C1orf21: variants seen among roughly 807,000 people sequenced by gnomAD.
The protein encoded by C1orf21 is uncharacterized protein C1orf21.
Under a neutral mutation model 18.7 loss-of-function variants are expected in C1orf21, and 3 were observed. That is an observed-to-expected ratio of 0.16 (90% CI 0.07 to 0.42). The LOEUF is 0.42. C1orf21 is among the 10% of genes least tolerant of loss of function. The probability of loss-of-function intolerance (pLI) is 0.99; values close to 1 mark genes in which losing one functional copy is unlikely to be tolerated. For synonymous variants in C1orf21, 41 were observed against 46.4 expected (o/e 0.88, Z 0.47); for missense variants, 104 against 143.6 (o/e 0.72, Z 1.41).
At chr1:184,598,483 C>T (rs1379574797) in intron 5 of C1orf21, 22 bp downstream of exon 5, 1 of 1,597,852 alleles carries the variant, frequency 6.3e-7, no homozygotes, top group South Asian at 1.1e-5. Flanking sequence ...AATAAATAAC[C>T]TACATGTTTC....
At chr1:184,455,978 G>A (rs575532137) in intron 1 of C1orf21, among the ~76,000 whole-genome samples, 2 of 152,302 alleles carry the variant, frequency 1.3e-5, no homozygotes, top group South Asian at 4.1e-4. Context: ...TGAGTATACA[G>A]TTGTAACTTC....
At chr1:184,616,044 AT>A (rs1318036452) in intron 5 of C1orf21, among the ~76,000 whole-genome samples, 2 of 152,214 alleles carry the variant, frequency 1.3e-5, no homozygotes, top group South Asian at 4.1e-4. Context: ...CTTCTTAACC[AT>A]CCCCTCTTCA....
chr1:184,456,421 T>C (rs1218669159), intron 1 of C1orf21, among the ~76,000 whole-genome samples: 2 of 152,254 alleles, frequency 1.3e-5, no homozygotes, highest in Non-Finnish European at 2.9e-5. Flanking sequence ...TCCTTAAATT[T>C]AACTTCCTCT....
chr1:184,568,675 G>A (rs1659067502), intron 3 of C1orf21, among the ~76,000 whole-genome samples: 1 of 152,102 alleles, frequency 6.6e-6, no homozygotes, highest in Non-Finnish European at 1.5e-5. Context: ...AAAAGTGATG[G>A]TGCCCATGCA....
chr1:184,484,342 C>A (rs115091492), intron 2 of C1orf21, among the ~76,000 whole-genome samples: 1,645 of 152,266 alleles, frequency 0.011, 32 homozygotes, highest in African/African-American at 0.038. Context: ...TTGGCACGGG[C>A]CCGTTTTCTC....
intron 1 of C1orf21, among the ~76,000 whole-genome samples, chr1:184,398,631 G>C (rs1483991335): frequency 1.3e-5 from 2 of 152,128 alleles, no homozygotes; most frequent in Non-Finnish European, 2.9e-5. Flanking sequence ...CACAAACCTA[G>C]ATGGTATAGC....
chr1:184,623,139 C>T lies in C1orf21; in HGVS notation c.*3583C>T, dbSNP rs1659951022. On this transcript the variant is annotated 3_prime_UTR_variant, in exon 6 of 6. Transcript: ENST00000235307. ...CAGGTTGGCATGTGGATTACAAGTC[C>T]TGCTTTGACACTGGGCAAGAATTTA... 1 of 152,216 alleles carries T rather than the reference C, an allele frequency of 6.6e-6. No homozygotes were observed. The highest frequency in any genetic ancestry group is 6.5e-5 in the Admixed American group (1 of 15,288). 9.4% of individuals were successfully genotyped at this position (152,216 alleles called of 1,614,324 possible).
intron 2 of C1orf21, among the ~76,000 whole-genome samples, chr1:184,478,490 C>A (rs6683932): frequency 0.17 from 25,892 of 152,050 alleles, 2,604 homozygotes; most frequent in African/African-American, 0.28. Context: ...CCTCAAATTT[C>A]TTCAAAAGAG....
rs150459261 is a variant in C1orf21, at chr1:184,463,824, T to C, written c.-124-13562T>C. 3.3e-3 allele frequency among the ~76,000 whole-genome samples: 506 copies of C among 152,246 alleles called. 1 individual carries two copies. Among genetic ancestry groups the C allele is most frequent in the African/African-American group, 0.011 (474 of 41,540 alleles). ...CAGACAATTATGACATGTAGCAACA[T>C]GGATAGGTGAGGAATGGCTCACATA... On this transcript the variant is annotated intron_variant, in intron 1 of 5. Coordinates refer to ENST00000235307, the MANE Select transcript of C1orf21 (RefSeq NM_030806.4).
intron 2 of C1orf21, among the ~76,000 whole-genome samples, chr1:184,504,498 A>G (rs1379240877): frequency 6.6e-6 from 1 of 152,174 alleles, no homozygotes; most frequent in African/African-American, 2.4e-5. Context: ...CGTAACCCAA[A>G]ATGCTTCATT....
At chr1:184,582,552 A>G (rs774529807) in intron 3 of C1orf21, among the ~76,000 whole-genome samples, 7 of 152,236 alleles carry the variant, frequency 4.6e-5, no homozygotes, top group Non-Finnish European at 7.3e-5. Context: ...TCCAGCATCT[A>G]TCTGGCCCCT....
intron 3 of C1orf21, among the ~76,000 whole-genome samples, chr1:184,554,155 AT>A (rs1658847976): frequency 1.3e-5 from 2 of 152,200 alleles, no homozygotes; most frequent in South Asian, 4.1e-4. Context: ...TATACCAATA[AT>A]TTTGATAACC....
chr1:184,586,192 C>T (rs1052427134), intron 3 of C1orf21, among the ~76,000 whole-genome samples: 1 of 152,010 alleles, frequency 6.6e-6, no homozygotes, highest in Non-Finnish European at 1.5e-5. Flanking sequence ...ATTTGCATTT[C>T]CTGATGATCA....
At chr1:184,442,442 G>A (rs1204875384) in intron 1 of C1orf21, among the ~76,000 whole-genome samples, 1 of 152,170 alleles carries the variant, frequency 6.6e-6, no homozygotes, top group South Asian at 2.1e-4. Flanking sequence ...GAAAAGTGAC[G>A]TCTGTAAAAT....
At chr1:184,590,416 CTGCTGTTTCTCT>C (rs1461957688) in intron 3 of C1orf21, among the ~76,000 whole-genome samples, 4 of 152,182 alleles carry the variant, frequency 2.6e-5, no homozygotes, top group Admixed American at 2.6e-4. Context: ...GATTGTATTG[CTGCTGTTTCTCT>C]TGATACTAGA....
chr1:184,405,243 T>C (rs1036126524), intron 1 of C1orf21, among the ~76,000 whole-genome samples: 3 of 152,172 alleles, frequency 2.0e-5, no homozygotes, highest in Admixed American at 2.0e-4. Context: ...TTGCCCATGC[T>C]GGAGTGCAGT....
At chr1:184,577,455 G>T (rs536988943) in intron 3 of C1orf21, among the ~76,000 whole-genome samples, 2 of 152,068 alleles carry the variant, frequency 1.3e-5, no homozygotes, top group Non-Finnish European at 2.9e-5. Context: ...CACTGAATGT[G>T]TGTTAATTTG....
chr1:184,390,264 T>G (rs546032965), intron 1 of C1orf21, among the ~76,000 whole-genome samples: 2 of 152,318 alleles, frequency 1.3e-5, no homozygotes, highest in Admixed American at 1.3e-4. Context: ...TTTAAACTGT[T>G]TCATTCTGCA....
chr1:184,564,988 C>G (rs1225085342), intron 3 of C1orf21, among the ~76,000 whole-genome samples: 1 of 152,202 alleles, frequency 6.6e-6, no homozygotes, highest in African/African-American at 2.4e-5. Context: ...ATGCCACTAA[C>G]AGTATGAACT....
Sources: allele counts gnomAD v4.1 joint callset (sites outside exome capture counted in the v4.1 genomes callset), GRCh38; gene constraint gnomAD v4.1.1; transcripts MANE v1.5; gene names NCBI Gene and HGNC (gene_info 2026-07-23, HGNC 2026-07-21).